The following MED18 variants were observed in gnomAD, a reference collection of about 807,000 sequenced individuals.
The protein encoded by MED18 is mediator complex subunit 18.
In MED18, 10 loss-of-function variants were observed where a neutral mutation model predicts 13.9. The ratio of observed to expected loss-of-function variants is 0.72; its 90% CI spans 0.44 to 1.22. The LOEUF (loss-of-function observed/expected upper bound fraction) is 1.22. Ranked by LOEUF, MED18 falls within the 50% of genes most tolerant of loss-of-function variation. The pLI is 0.00. For synonymous variants in MED18, 88 were observed against 93.2 expected (o/e 0.94, Z 0.32); for missense variants, 216 against 279.0 (o/e 0.77, Z 1.61).
Position 28,330,942 on chromosome 1 carries a change from C to T in MED18, c.73+207C>T, listed in dbSNP as rs1649703267. 2.3e-5 allele frequency: 8 copies of T among 345,288 alleles called. No homozygotes were observed. In the South Asian group the frequency reaches 2.4e-4, roughly 10 times the overall value. 21.4% of individuals were successfully genotyped at this position (345,288 alleles called of 1,614,324 possible). A position where few individuals can be genotyped will look rare whatever the true frequency, so the allele number is the denominator to read the frequency against. On this transcript the variant is annotated intron_variant, in intron 2 of 2. Coordinates refer to ENST00000373842, the MANE Select transcript of MED18 (RefSeq NM_017638.3). Reference sequence around the variant, plus strand: ...GCATGGTGGCTCACGCGTATAATCCCAGCACTTTGGGAGGCCGAGGTGGGC... The same window carrying T: ...GCATGGTGGCTCACGCGTATAATCCTAGCACTTTGGGAGGCCGAGGTGGGC...
At position 28,330,588 on chromosome 1, in the gene MED18, C is replaced by A. The variant is rs1384054786; in HGVS notation, c.-66-9C>A. ...ACTTTGATGTATAAACAAGTGAACT[C>A]TTTTCCAGGTATATCCCGTGCCTTA... On this transcript the variant is annotated splice_polypyrimidine_tract_variant and intron_variant, in intron 1 of 2. Coordinates refer to ENST00000373842, the MANE Select transcript of MED18 (RefSeq NM_017638.3). 5 of 1,184,706 alleles carry A rather than the reference C, an allele frequency of 4.2e-6. No individual in the cohort carries two copies. Among genetic ancestry groups the A allele is most frequent in the African/African-American group, 1.6e-5 (1 of 64,248 alleles). The allele number at this position is 1,184,706 out of a possible 1,614,324, so 73.4% of individuals were successfully genotyped here.
chr1:28,330,624 G>T lies in MED18; in HGVS notation c.-39G>T, dbSNP rs779850669. On this transcript the variant is annotated 5_prime_UTR_variant, in exon 2 of 3. Coordinates refer to ENST00000373842, the MANE Select transcript of MED18 (RefSeq NM_017638.3). The stretch of plus-strand genomic sequence containing the variant: ...ATATCCCGTGCCTTACCTGACTGGG[G>T]GCTCTGAGTCCAGTTGTGTTGTCTT... 5.1e-6 allele frequency: 8 copies of T among 1,557,992 alleles called. No individual in the cohort carries two copies. Among genetic ancestry groups the T allele is most frequent in the Non-Finnish European group, 7.0e-6 (8 of 1,138,032 alleles).
chr1:28,334,485 C>G lies in MED18; in HGVS notation c.142C>G (p.Pro48Ala). Residue 48 changes from proline (P) to alanine (A), a missense_variant, in exon 3 of 3, where the codon CCT (proline) becomes GCT (alanine). Pro to Ala is a conservative substitution (Grantham distance 27). Transcript: ENST00000373842. ...TCGTGGTTTGTGTGACAACATGGAA[C>G]CTGAGACTTTCCTTGACCATGAGAT... The part of the protein sequence containing the change: ...RLRGLCDNME[P>A]ETFLDHEMVF... 6.2e-7 allele frequency: 1 copy of G among 1,614,138 alleles called. No homozygotes were observed.
Position 28,329,048 on chromosome 1 carries a change from G to A in MED18, c.-199G>A, listed in dbSNP as rs1271527653. The A allele has an allele frequency of 6.6e-6, 1 of 152,188 alleles. No homozygotes were observed. Among genetic ancestry groups the A allele is most frequent in the Non-Finnish European group, 1.5e-5 (1 of 68,060 alleles). 9.4% of individuals were successfully genotyped at this position (152,188 alleles called of 1,614,324 possible). A position where few individuals can be genotyped will look rare whatever the true frequency, so the allele number is the denominator to read the frequency against. ...AAGTGAGAAGAGGAGGAAGTTGGCT[G>A]GTTGCACCGATCTGGGGGCTTCCCG... On this transcript the variant is annotated 5_prime_UTR_variant, in exon 1 of 3. Transcript: ENST00000373842.
At chr1:28,332,339 G>T (rs2149054476) in intron 2 of MED18, among the ~76,000 whole-genome samples, 1 of 151,976 alleles carries the variant, frequency 6.6e-6, no homozygotes, top group South Asian at 2.1e-4. Context: ...TGAGCCCAGG[G>T]GATGGAGGCT....
At position 28,334,858 on chromosome 1, in the gene MED18, G is replaced by C; in HGVS notation, c.515G>C (p.Ser172Thr). The change falls in exon 3 of 3, where the codon AGT (serine) becomes ACT (threonine). Residue 172 changes from serine to threonine, a missense_variant. Physicochemically the swap from Ser to Thr is moderately conservative, Grantham distance 58 (BLOSUM62 1). Coordinates refer to ENST00000373842, the MANE Select transcript of MED18 (RefSeq NM_017638.3). ...TCACTCTCCTATCTCGTGGAATTAA[G>C]TGTGGTAGCACCCGCTGGGCAGGAC... is the stretch of plus-strand genomic sequence containing the variant. Reference protein sequence around the residue: ...ALSLSYLVELSVVAPAGQDMV... With the variant: ...ALSLSYLVELTVVAPAGQDMV... The C allele has an allele frequency of 6.2e-7, 1 of 1,614,138 alleles. No individual in the cohort carries two copies. Among genetic ancestry groups the C allele is most frequent in the Non-Finnish European group, 8.5e-7 (1 of 1,180,026 alleles).
chr1:28,333,672 C>T (rs1472202391), intron 2 of MED18, among the ~76,000 whole-genome samples: 4 of 152,108 alleles, frequency 2.6e-5, no homozygotes, highest in African/African-American at 4.8e-5. Flanking sequence ...CCATCCTGGC[C>T]AACATGGTGA....
At chr1:28,333,366 CAAAGAAGACTT>C (rs1649807047) in intron 2 of MED18, among the ~76,000 whole-genome samples, 1 of 152,016 alleles carries the variant, frequency 6.6e-6, no homozygotes, top group Non-Finnish European at 1.5e-5. Context: ...AGAGACCAAG[CAAAGAAGACTT>C]AAACGGAATG....
chr1:28,332,280 G>A (rs1649765595), intron 2 of MED18, among the ~76,000 whole-genome samples: 1 of 151,920 alleles, frequency 6.6e-6, no homozygotes, highest in Admixed American at 6.6e-5. Context: ...GCATGGTGGT[G>A]CGCACCTGTA....
Position 28,335,209 on chromosome 1 carries a change from T to G in MED18, c.*239T>G. ...GGCACATGCCACCATGCTCAGCTAA[T>G]TTTTGTATTTTTAGTAGAAATGGGG... On this transcript the variant is annotated 3_prime_UTR_variant, in exon 3 of 3. Coordinates refer to ENST00000373842, the MANE Select transcript of MED18 (RefSeq NM_017638.3). 2.3e-6 allele frequency: 1 copy of G among 438,626 alleles called. No individual in the cohort carries two copies. Among genetic ancestry groups the G allele is most frequent in the South Asian group, 2.9e-5 (1 of 34,070 alleles). 27.2% of individuals were successfully genotyped at this position (438,626 alleles called of 1,614,324 possible).
chr1:28,334,805 AG>A lies in MED18; in HGVS notation c.465del (p.Asn156ThrfsTer16). On this transcript the variant is annotated frameshift_variant, in exon 3 of 3. Coordinates refer to ENST00000373842, the MANE Select transcript of MED18 (RefSeq NM_017638.3). LOFTEE classifies it high-confidence loss of function. ...VYKIFRILVP[G>X]NTDSTEALSL... ...ACAAGATTTTCCGCATCCTGGTGCC[AG>A]GGAACACAGACAGCACTGAGGCCTT... 1.2e-6 allele frequency: 2 copies of A among 1,614,202 alleles called. No homozygotes were observed. Among genetic ancestry groups the A allele is most frequent in the Non-Finnish European group, 1.7e-6 (2 of 1,180,038 alleles).
intron 1 of MED18, among the ~76,000 whole-genome samples, chr1:28,329,605 G>T (rs1459564041): frequency 6.6e-6 from 1 of 152,032 alleles, no homozygotes; most frequent in Non-Finnish European, 1.5e-5. Flanking sequence ...TCTTTAAAAG[G>T]CATTTTTAGG....
intron 1 of MED18, 176 bp from the exon 2 acceptor site, chr1:28,330,421 A>G (rs1649678362): frequency 2.7e-6 from 1 of 363,746 alleles, no homozygotes; most frequent in Non-Finnish European, 5.0e-6. Context: ...TAATGCTGTA[A>G]CTCCATGACC....
chr1:28,335,315 C>G lies in MED18; in HGVS notation c.*345C>G. 8.8e-6 allele frequency: 2 copies of G among 226,070 alleles called. No individual in the cohort carries two copies. The highest frequency in any genetic ancestry group is 7.9e-5 in the South Asian group (1 of 12,602). The allele number at this position is 226,070 out of a possible 1,614,324, so 14.0% of individuals were successfully genotyped here. On this transcript the variant is annotated 3_prime_UTR_variant, in exon 3 of 3. Coordinates refer to ENST00000373842, the MANE Select transcript of MED18 (RefSeq NM_017638.3). ...TTGGCCTCCCAAAGTGCTGGGATTA[C>G]AGGCATGAGCCACCACGCCTGGCCA...
rs367969863 is a variant in MED18, at chr1:28,330,614, C to T, written c.-49C>T. 141 of 1,504,492 alleles carry T rather than the reference C, an allele frequency of 9.4e-5. No homozygotes were observed. Among genetic ancestry groups the T allele is most frequent in the Non-Finnish European group, 1.3e-4 (140 of 1,090,766 alleles). 93.2% of individuals were successfully genotyped at this position (1,504,492 alleles called of 1,614,324 possible). A position where few individuals can be genotyped will look rare whatever the true frequency, so the allele number is the denominator to read the frequency against. ...TTTTCCAGGTATATCCCGTGCCTTA[C>T]CTGACTGGGGGCTCTGAGTCCAGTT... On this transcript the variant is annotated 5_prime_UTR_variant, in exon 2 of 3. Coordinates refer to ENST00000373842, the MANE Select transcript of MED18 (RefSeq NM_017638.3).
At chr1:28,330,824 GCA>G in intron 2 of MED18, 89 bp downstream of exon 2, 1 of 1,004,122 alleles carries the variant, frequency 1.0e-6, no homozygotes, top group Admixed American at 3.4e-5. Flanking sequence ...AAAGCAGCCT[GCA>G]CAGTTTCTGG....
Position 28,330,596 on chromosome 1 carries a change from G to T in MED18, c.-66-1G>T. The T allele has an allele frequency of 1.6e-6, 2 of 1,272,270 alleles. No individual in the cohort carries two copies. The highest frequency in any genetic ancestry group is 2.2e-6 in the Non-Finnish European group (2 of 889,086). 78.8% of individuals were successfully genotyped at this position (1,272,270 alleles called of 1,614,324 possible). On this transcript the variant is annotated splice_acceptor_variant, in intron 1 of 2. Coordinates refer to ENST00000373842, the MANE Select transcript of MED18 (RefSeq NM_017638.3). LOFTEE classifies it low-confidence loss of function (5UTR_SPLICE). The stretch of plus-strand genomic sequence containing the variant: ...GTATAAACAAGTGAACTCTTTTCCA[G>T]GTATATCCCGTGCCTTACCTGACTG...
chr1:28,334,566 T>A lies in MED18; in HGVS notation c.223T>A (p.Ser75Thr). ...CCCATTTGTTCTCAGGGCCCGACGC[T>A]CTATGGACAGGGCAGGGGCACCCTG... ...ASPFVLRARR[S>T]MDRAGAPWHL... The change falls in exon 3 of 3, where the codon TCT becomes ACT. Residue 75 changes from serine (S) to threonine (T), a missense_variant. Physicochemically the swap from Ser to Thr is moderately conservative, Grantham distance 58 (BLOSUM62 1). Coordinates refer to ENST00000373842, the MANE Select transcript of MED18 (RefSeq NM_017638.3). 1 of 1,614,082 alleles carries A rather than the reference T, an allele frequency of 6.2e-7. No homozygotes were observed. Among genetic ancestry groups the A allele is most frequent in the South Asian group, 1.1e-5 (1 of 91,076 alleles).
chr1:28,331,749 A>ATT (rs1001931813), intron 2 of MED18, among the ~76,000 whole-genome samples: 1 of 146,126 alleles, frequency 6.8e-6, no homozygotes, highest in African/African-American at 2.5e-5. Context: ...TGTTTCTCTG[A>ATT]TTTTTTTTTT....
Sources: gnomAD v4.1 joint callset for allele counts (sites outside exome capture counted in the v4.1 genomes callset) on GRCh38, gnomAD v4.1.1 for gene constraint, MANE v1.5 for transcripts, NCBI Gene and HGNC (gene_info 2026-07-23, HGNC 2026-07-21) for gene names.